TBCD: variants seen among roughly 807,000 people sequenced by gnomAD.
The protein encoded by TBCD is tubulin-specific chaperone D.
Under a neutral mutation model 169.3 loss-of-function variants are expected in TBCD, and 105 were observed. The observed-to-expected ratio is 0.62, with a 90% confidence interval of 0.53 to 0.73. TBCD has a LOEUF of 0.73. Ranked by LOEUF, TBCD falls within the 30% of genes least tolerant of loss-of-function variation. The pLI is 0.00. For synonymous variants in TBCD, 700 were observed against 643.9 expected (o/e 1.09, Z -1.32); for missense variants, 1,444 against 1,600.1 (o/e 0.90, Z 1.66).
chr17:82,766,438 C>T (rs907918334), intron 4 of TBCD, 70 bp downstream of exon 4: 2 of 993,284 alleles, frequency 2.0e-6, no homozygotes, highest in Non-Finnish European at 1.6e-6. Context: ...TTGCCCCACC[C>T]TGCTGCACCT....
In TBCD at chr17:82,927,917, C is replaced by T. The variant is rs35495421; in HGVS notation, c.2622C>T (p.Ala874=). The change falls in exon 30 of 39, where the codon GCC becomes GCT. Residue 874 remains alanine, a synonymous_variant. Transcript: ENST00000355528. ...RGDVGTWVRK[A]AMTSLMDLTL... The stretch of plus-strand genomic sequence containing the variant: ...CTTGTCCCATCAGGGTCCGCAAGGC[C>T]GCCATGACCAGTCTGATGGATCTGA... 5,130 of 1,613,434 alleles carry T rather than the reference C, an allele frequency of 3.2e-3. 127 individuals carry two copies. In the African/African-American group the frequency reaches 0.058, roughly 18 times the overall value.
intron 13 of TBCD, among the ~76,000 whole-genome samples, chr17:82,817,087 A>G (rs973190639): frequency 6.6e-6 from 1 of 151,996 alleles, no homozygotes; most frequent in African/African-American, 2.4e-5. Flanking sequence ...CTCTTATTGG[A>G]TATATGATTT....
intron 6 of TBCD, among the ~76,000 whole-genome samples, chr17:82,781,296 T>G (rs1469201279): frequency 4.1e-3 from 9 of 2,170 alleles, no homozygotes; most frequent in South Asian, 0.013. Flanking sequence ...CAGGTAAAAC[T>G]GGGGGGGTGG....
In TBCD at chr17:82,903,069, G is replaced by A. The variant is rs373245380; in HGVS notation, c.1731-336G>A. On this transcript the variant is annotated intron_variant, in intron 18 of 38. Coordinates refer to ENST00000355528, the MANE Select transcript of TBCD (RefSeq NM_005993.5). This position sits in a 1 kb window ranked among gnomAD's most constrained non-coding sequence, Gnocchi z 4.8. ...CTGTTCACCCCTTGTAATCGTGGAG[G>A]GGTGGTTTCACGTGGCTCTATCTCA... Among the ~76,000 whole-genome samples, 144 of 152,308 alleles carry A rather than the reference G, an allele frequency of 9.5e-4. 1 individual carries two copies. The highest frequency in any genetic ancestry group is 3.4e-3 in the African/African-American group (141 of 41,572).
chr17:82,836,768 C>G (rs899141878), intron 13 of TBCD, among the ~76,000 whole-genome samples: 10 of 152,068 alleles, frequency 6.6e-5, no homozygotes, highest in Admixed American at 3.9e-4. Context: ...TAGATTTTCT[C>G]AAAAGCTTTA....
chr17:82,910,498 C>T (rs183588900), intron 22 of TBCD, among the ~76,000 whole-genome samples: 20 of 152,216 alleles, frequency 1.3e-4, no homozygotes, highest in Admixed American at 1.3e-3. Context: ...TTCCAGATGC[C>T]AGCTCTTTGT....
chr17:82,752,257 G>A lies in TBCD; in HGVS notation c.64G>A (p.Ala22Thr). The change falls in exon 1 of 39, where the codon GCC becomes ACC. Residue 22 changes from alanine to threonine, a missense_variant. Physicochemically the swap from Ala to Thr is moderately conservative, Grantham distance 58. Transcript: ENST00000355528. ...GGAGGAGGCGGAGGACGAGACACTGGCCTTTGGCGCGGCGCTGGAAGCGTT... is the reference window on the plus strand; with the variant it reads ...GGAGGAGGCGGAGGACGAGACACTGACCTTTGGCGCGGCGCTGGAAGCGTT... ...PEEEAEDETL[A>T]FGAALEAFGE... 1 of 1,523,250 alleles carries A rather than the reference G, an allele frequency of 6.6e-7. No homozygotes were observed. The highest frequency in any genetic ancestry group is 1.4e-5 in the African/African-American group (1 of 69,842). 94.4% of individuals were successfully genotyped at this position (1,523,250 alleles called of 1,614,324 possible). A position where few individuals can be genotyped will look rare whatever the true frequency, so the allele number is the denominator to read the frequency against.
chr17:82,797,664 G>A, intron 7 of TBCD, 93 bp from the exon 8 acceptor site: 1 of 966,890 alleles, frequency 1.0e-6, no homozygotes, highest in Non-Finnish European at 1.5e-6. Flanking sequence ...TAAAAATTCT[G>A]AAAGATGTGA....
chr17:82,763,423 T>C (rs939225272), intron 2 of TBCD, among the ~76,000 whole-genome samples: 2 of 152,186 alleles, frequency 1.3e-5, no homozygotes, highest in Non-Finnish European at 2.9e-5. Context: ...CTATGTCTTT[T>C]TGTTTGTTTT....
At chr17:82,808,968 G>A (rs1313369699) in intron 11 of TBCD, among the ~76,000 whole-genome samples, 1 of 151,822 alleles carries the variant, frequency 6.6e-6, no homozygotes, top group Non-Finnish European at 1.5e-5. Context: ...AGGTAGAGGG[G>A]CCAGCAGGTG....
At chr17:82,787,978 G>A (rs575392975) in intron 7 of TBCD, among the ~76,000 whole-genome samples, 1 of 152,286 alleles carries the variant, frequency 6.6e-6, no homozygotes, top group African/African-American at 2.4e-5. Flanking sequence ...GGCTCATGCC[G>A]GTAATCCCAG....
chr17:82,905,408 G>C (rs976774571), intron 19 of TBCD, among the ~76,000 whole-genome samples: 2 of 152,266 alleles, frequency 1.3e-5, no homozygotes, highest in African/African-American at 4.8e-5. Flanking sequence ...CACGGGTGCC[G>C]TCCTGGGCAC....
rs151262623 is a variant in TBCD at position 82,829,369 on chromosome 17, G to A, written c.1318+14435G>A. 75 of 155,082 alleles carry A rather than the reference G, an allele frequency of 4.8e-4. No homozygotes were observed. In the Middle Eastern group the frequency reaches 9.4e-3, roughly 19 times the overall value. 9.6% of individuals were successfully genotyped at this position (155,082 alleles called of 1,614,324 possible). A position where few individuals can be genotyped will look rare whatever the true frequency, so the allele number is the denominator to read the frequency against. ...CAATTGAATGTGCATACACGCACCC[G>A]TTCACAGGTTAATCGCTGCCACAGC... On this transcript the variant is annotated intron_variant, in intron 13 of 38. Coordinates refer to ENST00000355528, the MANE Select transcript of TBCD (RefSeq NM_005993.5).
chr17:82,766,386 C>T lies in TBCD; in HGVS notation c.435+18C>T, dbSNP rs567536713. On this transcript the variant is annotated intron_variant, in intron 4 of 38. Transcript: ENST00000355528. ...ACCATGAAGTGAGTGTCTCTGCCTC[C>T]CCCCTCGTCTCCAGCCCTCCGTGCC... is the stretch of plus-strand genomic sequence containing the variant. The T allele has an allele frequency of 6.3e-7, 1 of 1,589,748 alleles. No homozygotes were observed. The highest frequency in any genetic ancestry group is 1.7e-5 in the Admixed American group (1 of 58,238).
chr17:82,870,866 G>A (rs2057509184), intron 14 of TBCD, among the ~76,000 whole-genome samples: 1 of 152,262 alleles, frequency 6.6e-6, no homozygotes, highest in African/African-American at 2.4e-5. Flanking sequence ...TGTTGGACAT[G>A]GCAGTCTTCA....
intron 33 of TBCD, among the ~76,000 whole-genome samples, chr17:82,931,614 C>T (rs2062220108): frequency 6.6e-6 from 1 of 152,224 alleles, no homozygotes. Context: ...GTTGCCGCAT[C>T]GGGGCTGTTG....
At chr17:82,859,771 A>G in intron 13 of TBCD, 1 of 985,454 alleles carries the variant, frequency 1.0e-6, no homozygotes, top group Non-Finnish European at 1.2e-6. Flanking sequence ...CCCTGAATAA[A>G]GTGTCTTCAG....
At position 82,833,970 on chromosome 17, in the gene TBCD, G is replaced by A. The variant is rs1331983120; in HGVS notation, c.1318+19036G>A. ...GCTGTTTTTCTTTTTTTGAGACAGA[G>A]TTTCTCCCTTGTTGCCCAGTCTGGA... On this transcript the variant is annotated intron_variant, in intron 13 of 38. Transcript: ENST00000355528. This position sits in a 1 kb window ranked among gnomAD's most constrained non-coding sequence, Gnocchi z 4.7. 6.6e-6 allele frequency among the ~76,000 whole-genome samples: 1 copy of A among 151,454 alleles called. No homozygotes were observed. Among genetic ancestry groups the A allele is most frequent in the African/African-American group, 2.4e-5 (1 of 41,248 alleles).
chr17:82,926,262 G>T, intron 27 of TBCD, 138 bp from the exon 28 acceptor site: 2 of 767,120 alleles, frequency 2.6e-6, no homozygotes, highest in Non-Finnish European at 4.4e-6. Context: ...GGCCATGGAT[G>T]GCCGTGAGGA....
Sources: gnomAD v4.1 joint callset for allele counts (sites outside exome capture counted in the v4.1 genomes callset) on GRCh38, gnomAD v4.1.1 for gene constraint, Gnocchi (gnomAD v3.1) non-coding constraint, MANE v1.5 for transcripts, NCBI Gene and HGNC (gene_info 2026-07-23, HGNC 2026-07-21) for gene names.